The following PTPRG variants were observed in gnomAD, a reference collection of about 807,000 sequenced individuals.
PTPRG encodes the protein protein tyrosine phosphatase receptor type G, also known as receptor-type tyrosine-protein phosphatase gamma.
In PTPRG, 102 loss-of-function variants were observed where a neutral mutation model predicts 165.3. The observed-to-expected ratio is 0.62, with a 90% CI of 0.53 to 0.73. PTPRG has a LOEUF of 0.73. Ranked by LOEUF, PTPRG falls within the 30% of genes least tolerant of loss-of-function variation. The pLI is 0.00. For synonymous variants in PTPRG, 675 were observed against 669.5 expected, an observed-to-expected ratio of 1.01 and a Z score of -0.13; for missense variants, 1,866 against 1,861.4, an observed-to-expected ratio of 1.00 and a Z score of -0.05.
intron 1 of PTPRG, among the ~76,000 whole-genome samples, chr3:61,564,098 G>T (rs1012004304): frequency 2.0e-5 from 3 of 152,208 alleles, no homozygotes; most frequent in Non-Finnish European, 4.4e-5. Context: ...GGCCTCTACG[G>T]TAGTGTAGGC....
chr3:61,654,958 T>G (rs1702469184), intron 1 of PTPRG, among the ~76,000 whole-genome samples: 1 of 149,334 alleles, frequency 6.7e-6, no homozygotes, highest in African/African-American at 2.5e-5. Context: ...CTTTTTGTAT[T>G]TTTTTTTTAG....
At chr3:62,267,166 A>T (rs1236970489) in intron 17 of PTPRG, among the ~76,000 whole-genome samples, 1 of 152,092 alleles carries the variant, frequency 6.6e-6, no homozygotes, top group Non-Finnish European at 1.5e-5. Context: ...ACTTGGCTTT[A>T]AAATACAGAG....
At chr3:62,046,822 G>A (rs763854177) in intron 4 of PTPRG, among the ~76,000 whole-genome samples, 1 of 152,138 alleles carries the variant, frequency 6.6e-6, no homozygotes, top group Non-Finnish European at 1.5e-5. Flanking sequence ...TTGTTATGTG[G>A]AAAGATGTTT....
At chr3:62,191,678 G>A in intron 9 of PTPRG, 25 bp downstream of exon 9, 4 of 1,606,724 alleles carry the variant, frequency 2.5e-6, no homozygotes, top group Non-Finnish European at 3.4e-6. Context: ...CTCTGATTCA[G>A]GGTACATGCT....
intron 2 of PTPRG, among the ~76,000 whole-genome samples, chr3:61,948,908 A>T (rs1345581788): frequency 6.6e-6 from 1 of 152,178 alleles, no homozygotes; most frequent in Non-Finnish European, 1.5e-5. Context: ...AATGTCTATG[A>T]TTATCTTTGT....
chr3:61,836,619 C>T (rs900551841), intron 2 of PTPRG, among the ~76,000 whole-genome samples: 22 of 152,332 alleles, frequency 1.4e-4, no homozygotes, highest in African/African-American at 4.3e-4. Context: ...TATCTATTGC[C>T]ATCACTTTGT....
chr3:61,834,551 A>T (rs1381717829), intron 2 of PTPRG, among the ~76,000 whole-genome samples: 2 of 152,286 alleles, frequency 1.3e-5, no homozygotes, highest in Non-Finnish European at 2.9e-5. Flanking sequence ...ACGGTGGCTC[A>T]TGCCTGTAAT....
chr3:62,243,168 T>C (rs1701204068), intron 14 of PTPRG, among the ~76,000 whole-genome samples: 1 of 152,002 alleles, frequency 6.6e-6, no homozygotes, highest in Non-Finnish European at 1.5e-5. Flanking sequence ...TGATGACCAG[T>C]GTGTGCTCTC....
In PTPRG at chr3:61,623,726, T is replaced by C. The variant is rs577079858; in HGVS notation, c.85+61354T>C. ...ATGTCTATAAATAGGCCTTCTATAA[T>C]TGAAAAGGAGCAATTAAAGAAGACA... On this transcript the variant is annotated intron_variant, in intron 1 of 29. Transcript: ENST00000474889. Among the ~76,000 whole-genome samples, 38 of 152,170 alleles carry C rather than the reference T, an allele frequency of 2.5e-4. 1 individual carries two copies. Among genetic ancestry groups the C allele is most frequent in the Non-Finnish European group, 4.7e-4 (32 of 68,026 alleles).
intron 2 of PTPRG, among the ~76,000 whole-genome samples, chr3:61,803,506 A>ATGTTGTCCATGTTGTCCATGTTGTC (rs1575676433): frequency 8.0e-6 from 1 of 125,224 alleles, no homozygotes; most frequent in East Asian, 3.1e-4. Flanking sequence ...TCCAACATGG[A>ATGTTGTCCATGTTGTCCATGTTGTC]CAACATGTAA....
At chr3:62,083,293 G>T (rs1430575420) in intron 5 of PTPRG, among the ~76,000 whole-genome samples, 1 of 151,710 alleles carries the variant, frequency 6.6e-6, no homozygotes, top group East Asian at 1.9e-4. Context: ...GGAGAACGGG[G>T]TCTCACTATG....
At chr3:62,191,744 CTG>C in intron 9 of PTPRG, 91 bp downstream of exon 9, 1 of 1,255,348 alleles carries the variant, frequency 8.0e-7, no homozygotes, top group Non-Finnish European at 1.1e-6. Context: ...TGTGCCAGCT[CTG>C]TGTCATCTGT....
intron 6 of PTPRG, among the ~76,000 whole-genome samples, chr3:62,153,766 G>T (rs1329541084): frequency 6.6e-6 from 1 of 152,156 alleles, no homozygotes; most frequent in Non-Finnish European, 1.5e-5. Context: ...GCCTAGGAAG[G>T]TTTCGTAACT....
Position 62,231,270 on chromosome 3 carries a change from T to A in PTPRG, c.2334T>A (p.Arg778=). The A allele has an allele frequency of 6.3e-7, 1 of 1,596,484 alleles. No homozygotes were observed. Among genetic ancestry groups the A allele is most frequent in the Non-Finnish European group, 8.5e-7 (1 of 1,171,222 alleles). The part of the protein sequence containing the change: ...IKSKGFPRRF[R]EVPSSGERGE... Reference sequence around the variant, plus strand: ...CCAAGGGCTTTCCCAGACGTTTCCGTGAAGTGCCTTCTTCTGGGGAGAGAG... The same window carrying A: ...CCAAGGGCTTTCCCAGACGTTTCCGAGAAGTGCCTTCTTCTGGGGAGAGAG... The change falls in exon 14 of 30, where the codon CGT becomes CGA. Residue 778 remains arginine (R), a synonymous_variant. Transcript: ENST00000474889.
chr3:61,824,690 C>G (rs557837193), intron 2 of PTPRG, among the ~76,000 whole-genome samples: 2 of 152,264 alleles, frequency 1.3e-5, no homozygotes, highest in South Asian at 4.1e-4. Context: ...ACTCAAGAGG[C>G]TGAAGCAGGA....
chr3:62,105,435 G>C (rs553293134), intron 5 of PTPRG, among the ~76,000 whole-genome samples: 81 of 152,268 alleles, frequency 5.3e-4, no homozygotes, highest in African/African-American at 1.8e-3. Flanking sequence ...TTCTAATGTA[G>C]ACAACTAAAA....
intron 1 of PTPRG, among the ~76,000 whole-genome samples, chr3:61,604,184 C>T (rs991237106): frequency 6.6e-6 from 1 of 152,236 alleles, no homozygotes; most frequent in Non-Finnish European, 1.5e-5. Context: ...ATTAGCTGGG[C>T]ATAGTGGTGG....
At chr3:62,019,707 A>T (rs1412354368) in intron 4 of PTPRG, among the ~76,000 whole-genome samples, 1 of 152,152 alleles carries the variant, frequency 6.6e-6, no homozygotes, top group Non-Finnish European at 1.5e-5. Flanking sequence ...AATTAGCTTG[A>T]TTGAGTCATT....
In PTPRG at chr3:62,245,097, CAAG is replaced by C. The variant is rs1398683491; in HGVS notation, c.2467+1204_2467+1206del. The stretch of plus-strand genomic sequence containing the variant: ...CTCACTAAAACTTGCCACACAGAAA[CAAG>C]AAGATTAACAGAAAGTCTCTGATTA... On this transcript the variant is annotated intron_variant, in intron 15 of 29. Coordinates refer to ENST00000474889, the MANE Select transcript of PTPRG (RefSeq NM_002841.4). This position sits in a 1 kb window ranked among gnomAD's most constrained non-coding sequence, Gnocchi z 4.2. Among the ~76,000 whole-genome samples the C allele has an allele frequency of 6.6e-6, 1 of 152,132 alleles. No homozygotes were observed. Among genetic ancestry groups the C allele is most frequent in the Non-Finnish European group, 1.5e-5 (1 of 68,004 alleles).
Sources: allele counts gnomAD v4.1 joint callset (sites outside exome capture counted in the v4.1 genomes callset), GRCh38; gene constraint gnomAD v4.1.1; non-coding constraint Gnocchi (gnomAD v3.1); transcripts MANE v1.5; gene names NCBI Gene and HGNC (gene_info 2026-07-23, HGNC 2026-07-21).